The following SHROOM3 variants were observed in gnomAD, a reference collection of about 807,000 sequenced individuals.
SHROOM3 encodes shroom family member 3.
A neutral mutation model predicts 138.6 loss-of-function variants in SHROOM3; 47 were observed. The observed-to-expected ratio is 0.34, with a 90% confidence interval of 0.27 to 0.43. The LOEUF is 0.43. Among genes scored for constraint, SHROOM3 ranks in the 20% least tolerant of loss-of-function variants. The pLI is 1.00. For missense variants in SHROOM3, 2,491 were observed against 2,596.5 expected (o/e 0.96, Z 0.88); for synonymous variants, 1,062 against 1,063.3 (o/e 1.00, Z 0.02).
intron 5 of SHROOM3, chr4:76,742,212 G>A: frequency 2.2e-6 from 1 of 461,580 alleles, no homozygotes; most frequent in Non-Finnish European, 3.9e-6. Flanking sequence ...AAAAATGCAA[G>A]GTTAAGAAAA....
chr4:76,461,341 A>G (rs1731138921), intron 1 of SHROOM3, among the ~76,000 whole-genome samples: 1 of 152,226 alleles, frequency 6.6e-6, no homozygotes, highest in Non-Finnish European at 1.5e-5. Flanking sequence ...CATATAAAAG[A>G]CATCTGACTT....
At chr4:76,656,928 T>C (rs1736075579) in intron 2 of SHROOM3, among the ~76,000 whole-genome samples, 1 of 152,118 alleles carries the variant, frequency 6.6e-6, no homozygotes. Flanking sequence ...TCCCAGCACT[T>C]TGGGAGGCTG....
chr4:76,754,813 G>C lies in SHROOM3; in HGVS notation c.4330G>C (p.Glu1444Gln). Residue 1444 changes from glutamate to glutamine, a missense_variant, in exon 7 of 11, where the codon GAG becomes CAG. Around this residue, in one of 4 missense-constraint regions of SHROOM3, gnomAD observed 1,733 missense variants for 1,661.6 expected, o/e 1.04. Coordinates refer to ENST00000296043, the MANE Select transcript of SHROOM3 (RefSeq NM_020859.4). ...AHAAREDSLP[E>Q]ESSAPDFANL... The stretch of plus-strand genomic sequence containing the variant: ...CGCAGCCAGAGAGGACAGCCTTCCT[G>C]AGGAATCCTCAGCCCCTGATTTTGC... 6.2e-7 allele frequency: 1 copy of C among 1,614,204 alleles called. No individual in the cohort carries two copies. The highest frequency in any genetic ancestry group is 1.1e-5 in the South Asian group (1 of 91,084).
chr4:76,643,597 A>G (rs1262032451), intron 2 of SHROOM3, among the ~76,000 whole-genome samples: 1 of 152,204 alleles, frequency 6.6e-6, no homozygotes, highest in Admixed American at 6.5e-5. Context: ...TTTTCCTATC[A>G]TCGTTAATTG....
chr4:76,454,775 T>C (rs891287279), intron 1 of SHROOM3, among the ~76,000 whole-genome samples: 5 of 152,228 alleles, frequency 3.3e-5, no homozygotes, highest in Non-Finnish European at 5.9e-5. Flanking sequence ...ATCTTAACAA[T>C]ATTTTCTTCT....
chr4:76,473,861 C>T (rs1189718439), intron 1 of SHROOM3, among the ~76,000 whole-genome samples: 2 of 152,140 alleles, frequency 1.3e-5, no homozygotes, highest in Non-Finnish European at 2.9e-5. Flanking sequence ...TCACACATTG[C>T]TGGTGTGAAT....
At chr4:76,522,742 C>T (rs1229727823) in intron 1 of SHROOM3, among the ~76,000 whole-genome samples, 3 of 152,072 alleles carry the variant, frequency 2.0e-5, no homozygotes, top group East Asian at 1.9e-4. Flanking sequence ...GAGCTAATAT[C>T]GTGCCATTGC....
rs1577960206 is a variant in SHROOM3, at chr4:76,664,143, A to G, written c.324-46013A>G. 6.6e-6 allele frequency among the ~76,000 whole-genome samples: 1 copy of G among 152,318 alleles called. No individual in the cohort carries two copies. Among genetic ancestry groups the G allele is most frequent in the South Asian group, 2.1e-4 (1 of 4,818 alleles). On this transcript the variant is annotated intron_variant, in intron 2 of 10. Coordinates refer to ENST00000296043, the MANE Select transcript of SHROOM3 (RefSeq NM_020859.4). This position sits in a 1 kb window ranked among gnomAD's most constrained non-coding sequence, Gnocchi z 4.2. Reference sequence around the variant, plus strand: ...ATACTTTCTCTGTAGGCCCATAGTCATTTACCACATGGGATCCTCCTGGCT... The same window carrying G: ...ATACTTTCTCTGTAGGCCCATAGTCGTTTACCACATGGGATCCTCCTGGCT...
At chr4:76,777,944 A>T (rs543881243) in intron 10 of SHROOM3, among the ~76,000 whole-genome samples, 1 of 152,324 alleles carries the variant, frequency 6.6e-6, no homozygotes, top group African/African-American at 2.4e-5. Flanking sequence ...AAGAGAACTG[A>T]AAAAATGGAA....
intron 2 of SHROOM3, among the ~76,000 whole-genome samples, chr4:76,582,517 G>A (rs1734072438): frequency 6.6e-6 from 1 of 152,182 alleles, no homozygotes; most frequent in Non-Finnish European, 1.5e-5. Flanking sequence ...CGGAAATCTG[G>A]TGTTCAGAAA....
At position 76,544,594 on chromosome 4, in the gene SHROOM3, G is replaced by A. The variant is rs141004112; in HGVS notation, c.169-11015G>A. Among the ~76,000 whole-genome samples the A allele has an allele frequency of 9.2e-3, 1,388 of 151,560 alleles. 10 individuals carry two copies. The highest frequency in any genetic ancestry group is 0.019 in the South Asian group (93 of 4,790). On this transcript the variant is annotated intron_variant, in intron 1 of 10. Transcript: ENST00000296043. ...GTATTTTTAGTAAAGATAGGGTTTC[G>A]CCATGTTGGCCAGTCTGGTGTTGAA...
intron 1 of SHROOM3, among the ~76,000 whole-genome samples, chr4:76,492,098 T>C (rs1367397251): frequency 6.6e-6 from 1 of 152,230 alleles, no homozygotes; most frequent in Non-Finnish European, 1.5e-5. Context: ...AATAGTGCAA[T>C]GTGCTTCTCA....
At chr4:76,484,842 G>A (rs1731695492) in intron 1 of SHROOM3, among the ~76,000 whole-genome samples, 1 of 152,106 alleles carries the variant, frequency 6.6e-6, no homozygotes, top group African/African-American at 2.4e-5. Flanking sequence ...GTCTCCCTCT[G>A]CCCCCACCCG....
At chr4:76,698,560 T>C (rs1719811939) in intron 2 of SHROOM3, among the ~76,000 whole-genome samples, 1 of 152,172 alleles carries the variant, frequency 6.6e-6, no homozygotes, top group African/African-American at 2.4e-5. Context: ...GAGACCTTCC[T>C]GAGCCAGAGT....
chr4:76,559,654 C>T (rs976769641), intron 2 of SHROOM3: 4 of 152,138 alleles, frequency 2.6e-5, no homozygotes, highest in Non-Finnish European at 1.5e-5. Flanking sequence ...TCATGTCAGG[C>T]TTTCACATCC....
chr4:76,697,388 G>C (rs1210055921), intron 2 of SHROOM3, among the ~76,000 whole-genome samples: 1 of 152,130 alleles, frequency 6.6e-6, no homozygotes, highest in Non-Finnish European at 1.5e-5. Flanking sequence ...GTAGTTTCTA[G>C]TAGAAAGCAC....
intron 4 of SHROOM3, among the ~76,000 whole-genome samples, chr4:76,735,856 AAAAAAAAAAAAAATATATATATATAT>A (rs1207433534): frequency 0.048 from 2,315 of 47,774 alleles, 39 homozygotes; most frequent in Non-Finnish European, 0.064. Context: ...AAAAAAAAAA[AAAAAAAAAAAAAATATATATATATAT>A]ATATATATAT....
chr4:76,687,479 C>T (rs575968446), intron 2 of SHROOM3, among the ~76,000 whole-genome samples: 8 of 152,258 alleles, frequency 5.3e-5, no homozygotes, highest in East Asian at 1.9e-4. Flanking sequence ...GTCATTCTTT[C>T]GTCTTGTGGA....
intron 2 of SHROOM3, among the ~76,000 whole-genome samples, chr4:76,641,228 G>T (rs904180186): frequency 2.0e-5 from 3 of 152,180 alleles, no homozygotes; most frequent in Non-Finnish European, 4.4e-5. Flanking sequence ...TGTAACTTGA[G>T]TGCCTATCAT....
Sources: allele counts gnomAD v4.1 joint callset (sites outside exome capture counted in the v4.1 genomes callset), GRCh38; gene constraint gnomAD v4.1.1; regional missense constraint gnomAD v4.1.1; non-coding constraint Gnocchi (gnomAD v3.1); transcripts MANE v1.5; gene names NCBI Gene and HGNC (gene_info 2026-07-23, HGNC 2026-07-21).